The following CCSER1 variants were observed in gnomAD, a reference collection of about 807,000 sequenced individuals.
CCSER1 encodes the protein coiled-coil serine rich protein 1.
In CCSER1, 41 loss-of-function variants were observed where a neutral mutation model predicts 82.0. The observed-to-expected ratio is 0.50, with a 90% CI of 0.39 to 0.65. CCSER1 has a LOEUF of 0.65. Ranked by LOEUF, CCSER1 falls within the 30% of genes least tolerant of loss-of-function variation. The pLI, the probability that CCSER1 is intolerant of heterozygous loss-of-function variation, is 0.00. For synonymous variants in CCSER1, 414 were observed against 383.9 expected (o/e 1.08, Z -0.92); for missense variants, 1,119 against 1,064.2 (o/e 1.05, Z -0.72).
intron 5 of CCSER1, among the ~76,000 whole-genome samples, chr4:90,507,716 C>T (rs757242344): frequency 7.9e-5 from 12 of 152,010 alleles, no homozygotes; most frequent in Non-Finnish European, 1.2e-4. Context: ...AGGACTGTTC[C>T]TCATCTGGCC....
chr4:91,178,320 A>G (rs945037564), intron 10 of CCSER1, among the ~76,000 whole-genome samples: 3 of 152,128 alleles, frequency 2.0e-5, no homozygotes, highest in Non-Finnish European at 4.4e-5. Context: ...GTAGATGTCT[A>G]TTAGGTCTGC....
chr4:91,253,744 A>G (rs1308671723), intron 10 of CCSER1, among the ~76,000 whole-genome samples: 1 of 152,178 alleles, frequency 6.6e-6, no homozygotes, highest in African/African-American at 2.4e-5. Flanking sequence ...CTTCAGGCCT[A>G]TAGGAAGCAT....
intron 3 of CCSER1, among the ~76,000 whole-genome samples, chr4:90,370,987 C>A (rs549175067): frequency 2.6e-5 from 4 of 151,964 alleles, no homozygotes; most frequent in African/African-American, 9.7e-5. Context: ...TCTAATGCAG[C>A]TCATAAGGCT....
chr4:90,434,110 T>C (rs1758688066), intron 4 of CCSER1, among the ~76,000 whole-genome samples: 1 of 152,152 alleles, frequency 6.6e-6, no homozygotes, highest in African/African-American at 2.4e-5. Flanking sequence ...GAATTTTATT[T>C]GTCTTTTATA....
At position 90,534,481 on chromosome 4, in the gene CCSER1, G is replaced by GTT. The variant is rs1553935677; in HGVS notation, c.1724+66128_1724+66129insTT. Among the ~76,000 whole-genome samples the GTT allele has an allele frequency of 9.9e-4, 146 of 147,176 alleles. 1 individual carries two copies. The highest frequency in any genetic ancestry group is 3.4e-3 in the African/African-American group (134 of 39,760). On this transcript the variant is annotated intron_variant, in intron 5 of 10. Coordinates refer to ENST00000509176, the MANE Select transcript of CCSER1 (RefSeq NM_001145065.2). Reference sequence around the variant, plus strand: ...TGTGTGTGTGTGTGTGTGTGTGTGTGTGTGTGTGATGTTTACCTATTCTCT... The same window carrying GTT: ...TGTGTGTGTGTGTGTGTGTGTGTGTGTTTGTGTGTGATGTTTACCTATTCTCT...
intron 1 of CCSER1, among the ~76,000 whole-genome samples, chr4:90,182,812 C>A (rs898289709): frequency 6.6e-6 from 1 of 151,886 alleles, no homozygotes; most frequent in South Asian, 2.1e-4. Flanking sequence ...AGGAAAATTG[C>A]ATTTGTCTCT....
chr4:90,388,470 C>G (rs191731352), intron 3 of CCSER1, among the ~76,000 whole-genome samples: 1 of 151,510 alleles, frequency 6.6e-6, no homozygotes, highest in African/African-American at 2.4e-5. Context: ...ACACTGTGCC[C>G]GGCTAAATTT....
intron 9 of CCSER1, among the ~76,000 whole-genome samples, chr4:90,934,368 A>C (rs2150308155): frequency 6.6e-6 from 1 of 152,352 alleles, no homozygotes; most frequent in South Asian, 2.1e-4. Flanking sequence ...TGAAAATACA[A>C]GTTAAAGGAA....
chr4:91,156,543 A>C (rs932643780), intron 10 of CCSER1, among the ~76,000 whole-genome samples: 1 of 151,452 alleles, frequency 6.6e-6, no homozygotes, highest in African/African-American at 2.4e-5. Context: ...TAAATTATTA[A>C]ATTAAAAATT....
intron 5 of CCSER1, among the ~76,000 whole-genome samples, chr4:90,550,160 G>C (rs1777281006): frequency 6.6e-6 from 1 of 152,138 alleles, no homozygotes; most frequent in Admixed American, 6.6e-5. Flanking sequence ...AGAGCAAGGG[G>C]TAGTTATAAA....
At chr4:90,936,678 T>G (rs1730973553) in intron 9 of CCSER1, among the ~76,000 whole-genome samples, 1 of 152,110 alleles carries the variant, frequency 6.6e-6, no homozygotes, top group Non-Finnish European at 1.5e-5. Flanking sequence ...GTTGGGAACC[T>G]TAAAATACAC....
At chr4:90,183,605 AATGAACT>A (rs1427340262) in intron 1 of CCSER1, among the ~76,000 whole-genome samples, 2 of 152,168 alleles carry the variant, frequency 1.3e-5, no homozygotes, top group Non-Finnish European at 2.9e-5. Flanking sequence ...AATAATGAAC[AATGAACT>A]ATGTTATAAT....
Position 91,277,857 on chromosome 4 carries a change from C to A in CCSER1, c.2217+191863C>A, listed in dbSNP as rs1046379978. 9.9e-5 allele frequency among the ~76,000 whole-genome samples: 15 copies of A among 151,798 alleles called. No individual in the cohort carries two copies. In the East Asian group the frequency reaches 2.9e-3, roughly 29 times the overall value. On this transcript the variant is annotated intron_variant, in intron 10 of 10. Transcript: ENST00000509176. Reference sequence around the variant, plus strand: ...ATTTTAACATTGCTTTTGCTGTATTCCATAGGTTTTGATATGTTGTGTCTC... The same window carrying A: ...ATTTTAACATTGCTTTTGCTGTATTACATAGGTTTTGATATGTTGTGTCTC...
At chr4:91,146,787 T>C (rs1253729804) in intron 10 of CCSER1, among the ~76,000 whole-genome samples, 1 of 152,114 alleles carries the variant, frequency 6.6e-6, no homozygotes, top group African/African-American at 2.4e-5. Flanking sequence ...AAGGAATTTA[T>C]TTTTGTTTGG....
intron 10 of CCSER1, among the ~76,000 whole-genome samples, chr4:91,211,233 G>T (rs915653699): frequency 3.9e-5 from 6 of 152,066 alleles, no homozygotes; most frequent in Middle Eastern, 3.4e-3. Context: ...AGATGATGGT[G>T]GCTTGAACTA....
At chr4:90,444,552 T>A (rs919291021) in intron 4 of CCSER1, among the ~76,000 whole-genome samples, 1 of 152,112 alleles carries the variant, frequency 6.6e-6, no homozygotes, top group Non-Finnish European at 1.5e-5. Context: ...TTTTGGTTTC[T>A]GTTTGTTAAT....
chr4:90,651,550 A>G (rs972827881), intron 6 of CCSER1, among the ~76,000 whole-genome samples: 7 of 152,062 alleles, frequency 4.6e-5, no homozygotes, highest in African/African-American at 1.7e-4. Context: ...GTGGTGGGGG[A>G]TAGGGGAGGG....
At chr4:91,420,905 C>A (rs897691079) in intron 10 of CCSER1, among the ~76,000 whole-genome samples, 1 of 152,096 alleles carries the variant, frequency 6.6e-6, no homozygotes, top group Non-Finnish European at 1.5e-5. Context: ...CCATTTGTGA[C>A]AACATGGATA....
chr4:91,159,640 T>C (rs977701182), intron 10 of CCSER1, among the ~76,000 whole-genome samples: 5 of 151,938 alleles, frequency 3.3e-5, no homozygotes, highest in Admixed American at 3.3e-4. Flanking sequence ...TTCCTTACAT[T>C]CTTTAGTAGT....
Sources: allele counts gnomAD v4.1 joint callset (sites outside exome capture counted in the v4.1 genomes callset), GRCh38; gene constraint gnomAD v4.1.1; transcripts MANE v1.5; gene names NCBI Gene and HGNC (gene_info 2026-07-23, HGNC 2026-07-21).